Variants in C6orf89 observed in about 807,000 individuals in gnomAD.
C6orf89 encodes the protein chromosome 6 open reading frame 89.
Under a neutral mutation model 40.7 loss-of-function variants are expected in C6orf89, and 29 were observed. The observed-to-expected ratio is 0.71, with a 90% CI of 0.53 to 0.97. C6orf89 has a LOEUF of 0.97. C6orf89 is among the 50% of genes least tolerant of loss of function. The pLI, the probability that C6orf89 is intolerant of heterozygous loss-of-function variation, is 0.00. For missense variants in C6orf89, 392 were observed against 429.1 expected (o/e 0.91, Z 0.76); for synonymous variants, 165 against 152.2 (o/e 1.08, Z -0.62).
intron 1 of C6orf89, among the ~76,000 whole-genome samples, chr6:36,887,993 G>T (rs1359192998): frequency 1.3e-5 from 2 of 152,168 alleles, no homozygotes; most frequent in African/African-American, 4.8e-5. Context: ...CCAGTGTTGG[G>T]ATTACAGGCA....
intron 4 of C6orf89, among the ~76,000 whole-genome samples, chr6:36,903,706 G>T (rs1761812505): frequency 2.6e-5 from 4 of 152,072 alleles, no homozygotes; most frequent in African/African-American, 7.2e-5. Flanking sequence ...AAGATCTAAT[G>T]AGTCATAAAA....
chr6:36,910,270 A>T (rs1762077670), intron 4 of C6orf89, among the ~76,000 whole-genome samples: 1 of 152,134 alleles, frequency 6.6e-6, no homozygotes, highest in South Asian at 2.1e-4. Flanking sequence ...AGTTATTTTT[A>T]AAATTTTATG....
chr6:36,887,993 G>A (rs1359192998), intron 1 of C6orf89, among the ~76,000 whole-genome samples: 1 of 152,168 alleles, frequency 6.6e-6, no homozygotes, highest in Non-Finnish European at 1.5e-5. Flanking sequence ...CCAGTGTTGG[G>A]ATTACAGGCA....
Position 36,914,554 on chromosome 6 carries a change from A to G in C6orf89, c.556A>G (p.Thr186Ala), listed in dbSNP as rs776321800. The change falls in exon 6 of 9, where the codon ACG (threonine) becomes GCG (alanine). Residue 186 changes from threonine (T) to alanine (A), a missense_variant and splice_region_variant. Thr to Ala is a moderately conservative substitution (Grantham distance 58). Transcript: ENST00000480824. The stretch of plus-strand genomic sequence containing the variant: ...TTGTTTTGTTTCCTGCCTTGCCAAG[A>G]CGGGAAAGCCCCTGTTGGAGGAAGA... ...FERLHPLVIK[T>A]GKPLLEEEIQ... is the part of the protein sequence containing the mutation. The G allele has an allele frequency of 1.9e-6, 3 of 1,613,976 alleles. No individual in the cohort carries two copies. Among genetic ancestry groups the G allele is most frequent in the South Asian group, 2.2e-5 (2 of 91,086 alleles).
rs200725836 is a variant in C6orf89 at position 36,900,767 on chromosome 6, C to CT, written c.189+1135dup. Among the ~76,000 whole-genome samples, 104 of 152,214 alleles carry CT rather than the reference C, an allele frequency of 6.8e-4. 3 individuals carry two copies. In the East Asian group the frequency reaches 0.018, roughly 26 times the overall value. On this transcript the variant is annotated intron_variant, in intron 3 of 8. Transcript: ENST00000480824. ...TTGAGTCCAGTCAATCACTGTCAGA[C>CT]TGAGTTCGAGACTGCCCACCTCAGT...
intron 4 of C6orf89, among the ~76,000 whole-genome samples, chr6:36,912,016 C>T (rs2150707071): frequency 6.8e-6 from 1 of 147,106 alleles, no homozygotes; most frequent in East Asian, 2.1e-4. Context: ...TCTTCTAGGG[C>T]ACCCTAATCA....
chr6:36,920,978 TAAA>T (rs34178132), intron 8 of C6orf89, among the ~76,000 whole-genome samples: 3 of 145,924 alleles, frequency 2.1e-5, no homozygotes, highest in Non-Finnish European at 4.6e-5. Context: ...AGGGAAAAAT[TAAA>T]AAAAAAAAAG....
chr6:36,877,421 C>T (rs1774688694), intron 1 of C6orf89, among the ~76,000 whole-genome samples: 1 of 152,150 alleles, frequency 6.6e-6, no homozygotes, highest in Non-Finnish European at 1.5e-5. Flanking sequence ...ACCTCCACCT[C>T]GTGGGTTCAA....
chr6:36,884,113 T>G (rs1176336183), upstream of C6orf89, among the ~76,000 whole-genome samples: 2 of 152,040 alleles, frequency 1.3e-5, no homozygotes, highest in Non-Finnish European at 2.9e-5. This position sits in a 1 kb window ranked among gnomAD's most constrained non-coding sequence, Gnocchi z 4.0. Context: ...AATATGAAAA[T>G]TAGCCTGGCG....
intron 1 of C6orf89, chr6:36,874,987 C>A (rs910208873): frequency 2.8e-5 from 16 of 563,524 alleles, no homozygotes; most frequent in Non-Finnish European, 5.0e-5. Flanking sequence ...GAGGAAAATG[C>A]AAACTTCATT....
rs1418394615 is a variant in C6orf89 at position 36,925,654 on chromosome 6, GC to G, written c.*2214del. The G allele has an allele frequency of 2.0e-5, 3 of 152,236 alleles. No homozygotes were observed. The highest frequency in any genetic ancestry group is 4.4e-5 in the Non-Finnish European group (3 of 68,046). 9.4% of individuals were successfully genotyped at this position (152,236 alleles called of 1,614,324 possible). On this transcript the variant is annotated 3_prime_UTR_variant, in exon 9 of 9. Transcript: ENST00000480824. ...AAGAGGGTTTTCTACATACACAGAA[GC>G]AGTTCAACTTCTCAAGTTAATTTTG...
intron 4 of C6orf89, 140 bp downstream of exon 4, chr6:36,902,574 A>G (rs891813759): frequency 9.3e-5 from 68 of 728,608 alleles, no homozygotes; most frequent in African/African-American, 3.0e-4. Context: ...CTAAAACTCT[A>G]TGAGATGGGG....
Position 36,871,947 on chromosome 6 carries a change from G to A in C6orf89, c.-648G>A, listed in dbSNP as rs975966288. Reference sequence around the variant, plus strand: ...ACAGGAGTATTATGGAACTGCTCCAGGACTCTTGATTTTCAAGCTTGTAAG... The same window carrying A: ...ACAGGAGTATTATGGAACTGCTCCAAGACTCTTGATTTTCAAGCTTGTAAG... On this transcript the variant is annotated 5_prime_UTR_variant, in exon 1 of 10. Transcript: ENST00000359359. 24 of 1,313,156 alleles carry A rather than the reference G, an allele frequency of 1.8e-5. No homozygotes were observed. The African/African-American group carries it at 3.1e-4, about 17-fold the overall frequency. 81.3% of individuals were successfully genotyped at this position (1,313,156 alleles called of 1,614,324 possible). A position where few individuals can be genotyped will look rare whatever the true frequency, so the allele number is the denominator to read the frequency against.
At chr6:36,872,349 C>A (rs1774529419) in intron 1 of C6orf89, among the ~76,000 whole-genome samples, 2 of 151,876 alleles carry the variant, frequency 1.3e-5, no homozygotes. Flanking sequence ...TAATGAATAC[C>A]TTTTAAAAAC....
rs138780697 is a variant in C6orf89, at chr6:36,915,468, G to A, written c.695+775G>A. ...GACAAGTGGGGATCAGTAGCTAGGC[G>A]TGGTGGCTCATGCCTATAATCCCAA... On this transcript the variant is annotated intron_variant, in intron 6 of 8. Transcript: ENST00000480824. Among the ~76,000 whole-genome samples, 5 of 152,238 alleles carry A rather than the reference G, an allele frequency of 3.3e-5. No homozygotes were observed. The South Asian group carries it at 6.2e-4, about 19-fold the overall frequency.
At chr6:36,902,817 C>T (rs192133564) in intron 4 of C6orf89, among the ~76,000 whole-genome samples, 79 of 152,220 alleles carry the variant, frequency 5.2e-4, no homozygotes, top group African/African-American at 1.8e-3. Flanking sequence ...TGAAAGCAAC[C>T]GAGTTCAGCT....
At chr6:36,909,535 T>A (rs1762046870) in intron 4 of C6orf89, among the ~76,000 whole-genome samples, 1 of 152,174 alleles carries the variant, frequency 6.6e-6, no homozygotes, top group Non-Finnish European at 1.5e-5. Flanking sequence ...ATAATACTTT[T>A]CTGTGAATTC....
At chr6:36,884,568 A>G (rs1459754536), upstream of C6orf89, among the ~76,000 whole-genome samples, 2 of 152,346 alleles carry the variant, frequency 1.3e-5, no homozygotes, top group East Asian at 3.9e-4. This position sits in a 1 kb window ranked among gnomAD's most constrained non-coding sequence, Gnocchi z 4.0. Context: ...GAAATGTGTG[A>G]CCATGAAGGC....
intron 4 of C6orf89, among the ~76,000 whole-genome samples, chr6:36,911,370 A>G (rs755940226): frequency 1.3e-5 from 2 of 152,012 alleles, no homozygotes; most frequent in African/African-American, 4.8e-5. Flanking sequence ...GGCACCTGTA[A>G]TCCCAGCTAT....
Sources: allele counts gnomAD v4.1 joint callset (sites outside exome capture counted in the v4.1 genomes callset), GRCh38; gene constraint gnomAD v4.1.1; non-coding constraint Gnocchi (gnomAD v3.1); transcripts MANE v1.5; gene names NCBI Gene and HGNC (gene_info 2026-07-23, HGNC 2026-07-21).